Variants in WWOX observed in about 807,000 individuals in gnomAD.
WWOX encodes WW domain containing oxidoreductase, also known as WW domain-containing oxidoreductase.
WWOX carries 69 observed loss-of-function variants against 46.2 expected under a neutral mutation model. The observed-to-expected ratio is 1.49, with a 90% CI of 1.23 to 1.82. WWOX has a LOEUF of 1.82. Ranked by LOEUF, WWOX falls within the 40% of genes most tolerant of loss-of-function variation. WWOX has a pLI of 0.00. For synonymous variants in WWOX, 359 were observed against 202.6 expected (o/e 1.77, Z -6.56); for missense variants, 919 against 542.6 (o/e 1.69, Z -6.89).
chr16:78,285,657 A>G (rs1954564283), intron 5 of WWOX, among the ~76,000 whole-genome samples: 1 of 152,272 alleles, frequency 6.6e-6, no homozygotes, highest in African/African-American at 2.4e-5. Flanking sequence ...CAGTGGTACC[A>G]TTCTGACGGA....
intron 8 of WWOX, among the ~76,000 whole-genome samples, chr16:78,706,466 G>A (rs976625984): frequency 6.6e-6 from 1 of 152,070 alleles, no homozygotes; most frequent in African/African-American, 2.4e-5. Context: ...CATCTCTGTT[G>A]CTTTCCTGGG....
chr16:78,951,154 G>A (rs141800663), intron 8 of WWOX, among the ~76,000 whole-genome samples: 1 of 152,314 alleles, frequency 6.6e-6, no homozygotes, highest in East Asian at 1.9e-4. Flanking sequence ...TGGCAACTGG[G>A]AAGCCTAAGG....
At position 79,091,438 on chromosome 16, in the gene WWOX, C is replaced by T. The variant is rs147970590; in HGVS notation, c.1057-120170C>T. 4.3e-4 allele frequency among the ~76,000 whole-genome samples: 66 copies of T among 152,294 alleles called. 1 individual carries two copies. Among genetic ancestry groups the T allele is most frequent in the African/African-American group, 1.5e-3 (62 of 41,580 alleles). ...GTAGCAACATATACCAGCTTCCCCA[C>T]TGGGTGTTCATTCTACCCAATTTTT... On this transcript the variant is annotated intron_variant, in intron 8 of 8. Coordinates refer to ENST00000566780, the MANE Select transcript of WWOX (RefSeq NM_016373.4).
intron 8 of WWOX, among the ~76,000 whole-genome samples, chr16:78,640,196 T>G (rs889831894): frequency 2.0e-5 from 3 of 147,700 alleles, no homozygotes; most frequent in Admixed American, 1.4e-4. Context: ...GTCATGGGTG[T>G]GTGTGTGTGT....
intron 8 of WWOX, among the ~76,000 whole-genome samples, chr16:78,488,536 G>C (rs1171256089): frequency 2.0e-5 from 3 of 152,172 alleles, no homozygotes; most frequent in East Asian, 3.9e-4. Flanking sequence ...CTGCACATGA[G>C]CAGACTGACT....
intron 8 of WWOX, among the ~76,000 whole-genome samples, chr16:78,937,023 G>A (rs958263273): frequency 6.6e-6 from 1 of 152,150 alleles, no homozygotes; most frequent in Non-Finnish European, 1.5e-5. Context: ...GGTACAATAT[G>A]TACTAAACCT....
chr16:78,613,333 C>T (rs961390860), intron 8 of WWOX, among the ~76,000 whole-genome samples: 6 of 152,132 alleles, frequency 3.9e-5, no homozygotes, highest in African/African-American at 4.8e-5. Flanking sequence ...AGTCCCGATG[C>T]GTGATTTGTC....
chr16:78,327,619 A>C (rs1405293228), intron 5 of WWOX, among the ~76,000 whole-genome samples: 1 of 152,160 alleles, frequency 6.6e-6, no homozygotes, highest in Non-Finnish European at 1.5e-5. Context: ...TTGCCATGAC[A>C]CAGAGATTCC....
intron 8 of WWOX, among the ~76,000 whole-genome samples, chr16:78,650,474 C>T (rs1230617872): frequency 1.3e-5 from 2 of 152,180 alleles, no homozygotes; most frequent in South Asian, 2.1e-4. Context: ...CATCAGCCTG[C>T]CCATGCAATG....
At chr16:78,811,722 C>T (rs973665840) in intron 8 of WWOX, among the ~76,000 whole-genome samples, 1 of 152,008 alleles carries the variant, frequency 6.6e-6, no homozygotes, top group African/African-American at 2.4e-5. Flanking sequence ...GGGACCCATC[C>T]TCAAGACTTC....
intron 8 of WWOX, among the ~76,000 whole-genome samples, chr16:78,764,104 T>C (rs1390668688): frequency 6.6e-6 from 1 of 152,130 alleles, no homozygotes; most frequent in Non-Finnish European, 1.5e-5. Context: ...CAGCTGGTGC[T>C]CCAGGATAAA....
intron 8 of WWOX, among the ~76,000 whole-genome samples, chr16:79,166,545 A>G (rs1597438777): frequency 1.3e-5 from 2 of 152,194 alleles, no homozygotes; most frequent in Non-Finnish European, 2.9e-5. Flanking sequence ...ATTTCCTAAC[A>G]GCACAATTGT....
At chr16:78,201,875 A>AT (rs1376217308) in intron 5 of WWOX, among the ~76,000 whole-genome samples, 1 of 151,648 alleles carries the variant, frequency 6.6e-6, no homozygotes, top group Non-Finnish European at 1.5e-5. Context: ...AATTTTTTGT[A>AT]TTTTTAGTAG....
At chr16:78,663,105 A>G (rs115220818) in intron 8 of WWOX, among the ~76,000 whole-genome samples, 5 of 152,260 alleles carry the variant, frequency 3.3e-5, no homozygotes, top group Non-Finnish European at 7.4e-5. Context: ...CTAATTTCAG[A>G]ACATTTTTAT....
intron 5 of WWOX, among the ~76,000 whole-genome samples, chr16:78,381,748 T>A (rs965154607): frequency 1.5e-4 from 23 of 152,098 alleles, no homozygotes; most frequent in African/African-American, 5.1e-4. Flanking sequence ...GGAGGATGGA[T>A]GATTGGATGG....
chr16:78,640,350 AG>A (rs1184609712), intron 8 of WWOX, among the ~76,000 whole-genome samples: 1 of 143,908 alleles, frequency 6.9e-6, no homozygotes. Context: ...GAAAATTTGG[AG>A]TGCCACTCAA....
At chr16:79,025,915 C>A (rs147239514) in intron 8 of WWOX, among the ~76,000 whole-genome samples, 2,508 of 145,536 alleles carry the variant, frequency 0.017, 29 homozygotes, top group Middle Eastern at 0.036. Context: ...TCTCCTGCCT[C>A]ACCCTCCCGA....
chr16:78,365,469 G>A (rs1388270611), intron 5 of WWOX, among the ~76,000 whole-genome samples: 1 of 152,182 alleles, frequency 6.6e-6, no homozygotes, highest in African/African-American at 2.4e-5. Context: ...AACAAGGCTT[G>A]CAACTGAATC....
intron 8 of WWOX, among the ~76,000 whole-genome samples, chr16:79,137,278 T>C (rs2050000728): frequency 6.6e-6 from 1 of 152,182 alleles, no homozygotes; most frequent in African/African-American, 2.4e-5. Flanking sequence ...TAGAAGAAAA[T>C]GATGGTATCA....
Sources: gnomAD v4.1 joint callset for allele counts (sites outside exome capture counted in the v4.1 genomes callset) on GRCh38, gnomAD v4.1.1 for gene constraint, MANE v1.5 for transcripts, NCBI Gene and HGNC (gene_info 2026-07-23, HGNC 2026-07-21) for gene names.